KDM4A: variants seen among roughly 807,000 people sequenced by gnomAD.
KDM4A encodes lysine-specific demethylase 4A.
A neutral mutation model predicts 127.1 loss-of-function variants in KDM4A; 23 were observed. That is an observed-to-expected ratio of 0.18 (90% CI 0.13 to 0.26). The LOEUF is 0.26. KDM4A is among the 10% of genes least tolerant of loss of function. The pLI, the probability that KDM4A is intolerant of heterozygous loss-of-function variation, is 1.00. For missense variants in KDM4A, 890 were observed against 1,329.1 expected, an observed-to-expected ratio of 0.67 and a Z score of 5.14; for synonymous variants, 443 against 466.5, an observed-to-expected ratio of 0.95 and a Z score of 0.65.
intron 4 of KDM4A, 112 bp from the exon 5 acceptor site, chr1:43,662,782 C>A: frequency 1.1e-6 from 1 of 876,584 alleles, no homozygotes; most frequent in Non-Finnish European, 1.8e-6. Flanking sequence ...TGACATTATT[C>A]CCAATGTTTG....
At chr1:43,697,742 C>CTT in intron 18 of KDM4A, 101 bp from the exon 19 acceptor site, 2 of 1,152,120 alleles carry the variant, frequency 1.7e-6, no homozygotes, top group Non-Finnish European at 2.5e-6. Flanking sequence ...CTTTCCCATG[C>CTT]TTATCTTTCC....
intron 18 of KDM4A, 55 bp from the exon 19 acceptor site, chr1:43,697,788 A>C: frequency 6.6e-7 from 1 of 1,516,074 alleles, no homozygotes; most frequent in Non-Finnish European, 9.0e-7. Flanking sequence ...TCATCTCCAT[A>C]TGCCAGGCCT....
Position 43,688,889 on chromosome 1 carries a change from C to T in KDM4A, c.1856-25C>T. 1.2e-6 allele frequency: 2 copies of T among 1,609,564 alleles called. No individual in the cohort carries two copies. Among genetic ancestry groups the T allele is most frequent in the Non-Finnish European group, 1.7e-6 (2 of 1,176,974 alleles). On this transcript the variant is annotated intron_variant, in intron 12 of 21. Coordinates refer to ENST00000372396, the MANE Select transcript of KDM4A (RefSeq NM_014663.3). The surrounding 1 kb of genome is among the most constrained non-coding windows in gnomAD (Gnocchi z 4.4). ...CACAGATGTGCAGGGTTAGTGCTGA[C>T]TCACACTTCTGTTTCCTCCTCTAGA...
chr1:43,691,849 T>C (rs982913010), intron 15 of KDM4A, among the ~76,000 whole-genome samples: 9 of 152,120 alleles, frequency 5.9e-5, no homozygotes, highest in African/African-American at 2.2e-4. Context: ...ATTTAGCCAT[T>C]TTGAATTGGA....
chr1:43,676,955 T>C (rs1660754415), intron 11 of KDM4A, among the ~76,000 whole-genome samples: 2 of 152,214 alleles, frequency 1.3e-5, no homozygotes, highest in Non-Finnish European at 2.9e-5. Context: ...GACTATATAT[T>C]TGTGCCCATT....
chr1:43,703,753 C>T lies in KDM4A; in HGVS notation c.2961+17C>T, dbSNP rs748704155. 8.5e-5 allele frequency: 137 copies of T among 1,613,696 alleles called. No individual in the cohort carries two copies. Among genetic ancestry groups the T allele is most frequent in the Middle Eastern group, 1.6e-4 (1 of 6,080 alleles). On this transcript the variant is annotated intron_variant, in intron 20 of 21. Transcript: ENST00000372396. ...ATGTACCAGGTATCCAAAGTTCTAC[C>T]TTTCTAGGGAGTGGGGGGTGCTTGA...
At chr1:43,662,226 A>AT (rs796725388) in intron 4 of KDM4A, among the ~76,000 whole-genome samples, 4,039 of 143,846 alleles carry the variant, frequency 0.028, 174 homozygotes, top group African/African-American at 0.098. Flanking sequence ...ATGTTTTGCG[A>AT]TTTTTTTTTT....
chr1:43,653,530 G>A (rs1660167484), intron 2 of KDM4A: 1 of 401,292 alleles, frequency 2.5e-6, no homozygotes, highest in Non-Finnish European at 4.5e-6. Flanking sequence ...TCAGAAAGGG[G>A]GAGGTAAAGA....
intron 12 of KDM4A, among the ~76,000 whole-genome samples, chr1:43,687,448 C>T (rs1427662116): frequency 3.9e-5 from 6 of 152,232 alleles, no homozygotes; most frequent in African/African-American, 1.4e-4. Context: ...CCATTCAAAG[C>T]GAGATGCATG....
At chr1:43,656,731 CTT>C (rs769635621) in intron 3 of KDM4A, among the ~76,000 whole-genome samples, 8 of 141,462 alleles carry the variant, frequency 5.7e-5, no homozygotes, top group Non-Finnish European at 6.2e-5. Context: ...ACTACTCCAT[CTT>C]TTTTTTTTTT....
At chr1:43,703,465 G>C (rs931409360) in intron 19 of KDM4A, 152 bp from the exon 20 acceptor site, 10 of 885,460 alleles carry the variant, frequency 1.1e-5, no homozygotes, top group Non-Finnish European at 1.7e-5. Flanking sequence ...ACTTAGCAAG[G>C]TCTTTAACTG....
At chr1:43,659,422 C>A (rs948298381) in intron 3 of KDM4A, among the ~76,000 whole-genome samples, 2 of 152,160 alleles carry the variant, frequency 1.3e-5, no homozygotes, top group Non-Finnish European at 2.9e-5. Context: ...TTAAGTAATT[C>A]TCCTGCCTCA....
intron 5 of KDM4A, among the ~76,000 whole-genome samples, chr1:43,665,493 G>T (rs1254565964): frequency 6.6e-6 from 1 of 151,756 alleles, no homozygotes; most frequent in Non-Finnish European, 1.5e-5. Context: ...GAATATAGAA[G>T]AAATAAATTC....
chr1:43,698,126 T>G lies in KDM4A; in HGVS notation c.2841+113T>G. On this transcript the variant is annotated intron_variant, in intron 19 of 21. Transcript: ENST00000372396. ...TCTTCTAGCCAGGTCCCTGGTCCCA[T>G]CACCATGTCCTCAAACAGAAAGAAT... 3.1e-6 allele frequency: 3 copies of G among 960,220 alleles called. No individual in the cohort carries two copies. In the Admixed American group the frequency reaches 7.4e-5, roughly 24 times the overall value. The allele number at this position is 960,220 out of a possible 1,614,324, so 59.5% of individuals were successfully genotyped here.
intron 3 of KDM4A, among the ~76,000 whole-genome samples, chr1:43,656,428 C>T (rs1660242183): frequency 7.3e-6 from 1 of 136,160 alleles, no homozygotes; most frequent in South Asian, 2.4e-4. Flanking sequence ...ACCTCTGTCT[C>T]CCAGGTTCAC....
Position 43,671,895 on chromosome 1 carries a change from G to C in KDM4A, c.1734+20G>C, listed in dbSNP as rs747292198. The stretch of plus-strand genomic sequence containing the variant: ...GCAGAGGTATGGGCTCCAGGCAGTG[G>C]TGTGGGGTGGGGAGCTGCCCTGGAG... On this transcript the variant is annotated intron_variant, in intron 11 of 21. Transcript: ENST00000372396. 2.2e-5 allele frequency: 34 copies of C among 1,530,172 alleles called. No homozygotes were observed. Among genetic ancestry groups the C allele is most frequent in the Non-Finnish European group, 3.0e-5 (34 of 1,138,574 alleles). 94.8% of individuals were successfully genotyped at this position (1,530,172 alleles called of 1,614,324 possible). A position where few individuals can be genotyped will look rare whatever the true frequency, so the allele number is the denominator to read the frequency against.
intron 11 of KDM4A, among the ~76,000 whole-genome samples, chr1:43,675,729 C>T (rs1292954405): frequency 6.6e-6 from 1 of 151,928 alleles, no homozygotes; most frequent in African/African-American, 2.4e-5. Flanking sequence ...CCACCATATG[C>T]ACCATATGGA....
intron 19 of KDM4A, chr1:43,702,437 C>A (rs183440572): frequency 6.6e-6 from 1 of 152,264 alleles, no homozygotes; most frequent in African/African-American, 2.4e-5. Context: ...TGTTTCCACT[C>A]AATAAATGAA....
intron 10 of KDM4A, among the ~76,000 whole-genome samples, chr1:43,670,903 CT>C (rs1660603952): frequency 6.6e-6 from 1 of 152,126 alleles, no homozygotes; most frequent in African/African-American, 2.4e-5. Context: ...CAGAGTCTGA[CT>C]TTGTTGCCCA....
Sources: allele counts gnomAD v4.1 joint callset (sites outside exome capture counted in the v4.1 genomes callset), GRCh38; gene constraint gnomAD v4.1.1; non-coding constraint Gnocchi (gnomAD v3.1); transcripts MANE v1.5; gene names NCBI Gene and HGNC (gene_info 2026-07-23, HGNC 2026-07-21).